The following KIRREL1 variants were observed in gnomAD, a reference collection of about 807,000 sequenced individuals.
KIRREL1 encodes the protein kin of IRRE-like protein 1.
In KIRREL1, 25 loss-of-function variants were observed where a neutral mutation model predicts 83.3. That is an observed-to-expected ratio of 0.30 (90% CI 0.22 to 0.42). The LOEUF (loss-of-function observed/expected upper bound fraction) is 0.42. Among genes scored for constraint, KIRREL1 ranks in the 10% least tolerant of loss-of-function variants. The pLI is 1.00. For synonymous variants in KIRREL1, 388 were observed against 410.4 expected (o/e 0.95, Z 0.66); for missense variants, 812 against 1,032.3 (o/e 0.79, Z 2.92).
intron 1 of KIRREL1, among the ~76,000 whole-genome samples, chr1:158,066,342 C>T (rs140996424): frequency 1.3e-5 from 2 of 152,344 alleles, no homozygotes; most frequent in Non-Finnish European, 2.9e-5. Flanking sequence ...TCCTCTGTTT[C>T]TTTCATACCA....
intron 10 of KIRREL1, among the ~76,000 whole-genome samples, chr1:158,090,242 C>CCTTCCCTGTCTCCTCCT (rs1662155290): frequency 6.6e-6 from 1 of 152,018 alleles, no homozygotes; most frequent in African/African-American, 2.4e-5. Flanking sequence ...TGCTCCCTCC[C>CCTTCCCTGTCTCCTCCT]CTTCCCTGTC....
At chr1:158,092,386 C>T (rs562472624) in intron 11 of KIRREL1, among the ~76,000 whole-genome samples, 10 of 118,916 alleles carry the variant, frequency 8.4e-5, no homozygotes, top group South Asian at 5.7e-4. Context: ...CTTGCTCTGT[C>T]GCCCAGGCTG....
chr1:158,061,543 C>T (rs1661215772), intron 1 of KIRREL1, among the ~76,000 whole-genome samples: 1 of 152,194 alleles, frequency 6.6e-6, no homozygotes. Flanking sequence ...ACAGCTGCAT[C>T]CAGCTCCTCT....
chr1:158,032,024 G>A (rs930027992), intron 1 of KIRREL1, among the ~76,000 whole-genome samples: 6 of 151,938 alleles, frequency 3.9e-5, no homozygotes, highest in African/African-American at 1.2e-4. Context: ...CTGAGCCTGC[G>A]GCTGTGATCA....
At chr1:158,089,960 G>A (rs966607245) in intron 10 of KIRREL1, 142 bp downstream of exon 10, 15 of 712,624 alleles carry the variant, frequency 2.1e-5, no homozygotes, top group African/African-American at 1.4e-4. Context: ...CTGTCCCTCT[G>A]TCCCTTTACC....
In KIRREL1 at chr1:158,083,809, G is replaced by A. The variant is rs141061914; in HGVS notation, c.353-613G>A. 2.1e-3 allele frequency among the ~76,000 whole-genome samples: 326 copies of A among 152,234 alleles called. 2 individuals carry two copies. Among genetic ancestry groups the A allele is most frequent in the African/African-American group, 7.3e-3 (303 of 41,536 alleles). ...TTTCTTAAGTTTGAGGCTTCCATCT[G>A]TAGTGTGCAGCTCTGAGCAACTGTA... On this transcript the variant is annotated intron_variant, in intron 3 of 14. Coordinates refer to ENST00000359209, the MANE Select transcript of KIRREL1 (RefSeq NM_018240.7).
intron 1 of KIRREL1, 125 bp downstream of exon 1, chr1:157,993,853 A>G (rs972617106): frequency 3.8e-6 from 2 of 528,078 alleles, no homozygotes; most frequent in African/African-American, 4.0e-5. Context: ...GGACGCCACG[A>G]GGCGGGGGCT....
chr1:158,057,633 T>C (rs948200266), intron 1 of KIRREL1, among the ~76,000 whole-genome samples: 13 of 152,332 alleles, frequency 8.5e-5, no homozygotes, highest in Admixed American at 3.9e-4. Context: ...TAATATTTTT[T>C]TGGGGTCGCC....
At chr1:158,048,505 G>A (rs1052418232) in intron 1 of KIRREL1, among the ~76,000 whole-genome samples, 4 of 152,158 alleles carry the variant, frequency 2.6e-5, no homozygotes, top group Non-Finnish European at 5.9e-5. Context: ...GAAGCTGTGG[G>A]GGAAGAAATA....
chr1:158,071,576 A>G (rs1320529434), intron 1 of KIRREL1, among the ~76,000 whole-genome samples: 1 of 152,172 alleles, frequency 6.6e-6, no homozygotes, highest in Non-Finnish European at 1.5e-5. Context: ...TGACCCAGCA[A>G]TGGTCTGTTT....
At chr1:158,072,507 C>T (rs1007324598) in intron 1 of KIRREL1, among the ~76,000 whole-genome samples, 9 of 151,972 alleles carry the variant, frequency 5.9e-5, no homozygotes, top group East Asian at 1.9e-4. Context: ...AGAAGTGAGA[C>T]GTGAGTAGGA....
chr1:158,011,273 G>A (rs550967267), intron 1 of KIRREL1, among the ~76,000 whole-genome samples: 4 of 152,166 alleles, frequency 2.6e-5, no homozygotes, highest in Admixed American at 6.5e-5. Context: ...CAAGGCCCTG[G>A]ATTATGTTTT....
chr1:158,069,458 T>C (rs1319200739), intron 1 of KIRREL1, among the ~76,000 whole-genome samples: 1 of 152,102 alleles, frequency 6.6e-6, no homozygotes, highest in African/African-American at 2.4e-5. Context: ...GCAGGAAGTG[T>C]GTTCACACAC....
At chr1:158,002,511 G>T (rs376195544) in intron 1 of KIRREL1, among the ~76,000 whole-genome samples, 8 of 152,348 alleles carry the variant, frequency 5.3e-5, no homozygotes, top group South Asian at 4.1e-4. Context: ...TCCCACCAGG[G>T]GGGGTGAGAG....
chr1:158,071,103 C>G (rs775271547), intron 1 of KIRREL1, among the ~76,000 whole-genome samples: 9 of 152,054 alleles, frequency 5.9e-5, no homozygotes, highest in Non-Finnish European at 8.8e-5. Context: ...CCTGCTTTGC[C>G]TCGGGTTTCT....
At chr1:158,061,685 G>C (rs1570965118) in intron 1 of KIRREL1, among the ~76,000 whole-genome samples, 2 of 152,192 alleles carry the variant, frequency 1.3e-5, no homozygotes, top group African/African-American at 4.8e-5. Context: ...CAAGTGAGCA[G>C]AGTTGGGTGC....
intron 1 of KIRREL1, among the ~76,000 whole-genome samples, chr1:158,003,675 C>T (rs191689630): frequency 1.3e-5 from 2 of 152,310 alleles, no homozygotes; most frequent in African/African-American, 4.8e-5. Context: ...CCCAGACTGA[C>T]GTGCCTATCA....
chr1:158,002,512 G>A (rs890397317), intron 1 of KIRREL1, among the ~76,000 whole-genome samples: 3 of 152,228 alleles, frequency 2.0e-5, no homozygotes, highest in Admixed American at 6.5e-5. Flanking sequence ...CCCACCAGGG[G>A]GGGTGAGAGC....
chr1:158,018,014 C>G (rs1377343744), intron 1 of KIRREL1, among the ~76,000 whole-genome samples: 1 of 152,134 alleles, frequency 6.6e-6, no homozygotes, highest in East Asian at 1.9e-4. Context: ...CGGCAACTCT[C>G]AACCTCAAAA....
Sources: gnomAD v4.1 joint callset for allele counts (sites outside exome capture counted in the v4.1 genomes callset) on GRCh38, gnomAD v4.1.1 for gene constraint, MANE v1.5 for transcripts, NCBI Gene and HGNC (gene_info 2026-07-23, HGNC 2026-07-21) for gene names.